SPIN1: variants seen among roughly 807,000 people sequenced by gnomAD.
SPIN1 encodes the protein spindlin 1, also known as spindlin-1.
A neutral mutation model predicts 26.0 loss-of-function variants in SPIN1; 3 were observed. That is an observed-to-expected ratio of 0.12 (90% CI 0.05 to 0.30). The LOEUF is 0.30. Among genes scored for constraint, SPIN1 ranks in the 10% least tolerant of loss-of-function variants. The pLI is 1.00. For synonymous variants in SPIN1, 101 were observed against 116.5 expected, an observed-to-expected ratio of 0.87 and a Z score of 0.86; for missense variants, 126 against 333.4, an observed-to-expected ratio of 0.38 and a Z score of 4.84.
chr9:88,468,671 T>C (rs750712240), intron 5 of SPIN1, 66 bp downstream of exon 5: 8 of 993,800 alleles, frequency 8.0e-6, no homozygotes, highest in Non-Finnish European at 1.1e-5. Flanking sequence ...GTACAAGATA[T>C]TTGATTGGCT....
At chr9:88,458,156 G>A (rs950489901) in intron 3 of SPIN1, among the ~76,000 whole-genome samples, 1 of 152,188 alleles carries the variant, frequency 6.6e-6, no homozygotes, top group Admixed American at 6.5e-5. Context: ...ATTTGCGTTA[G>A]AAGCTTTATT....
chr9:88,415,711 A>C (rs1827546286), intron 1 of SPIN1: 2 of 151,978 alleles, frequency 1.3e-5, no homozygotes, highest in Non-Finnish European at 2.9e-5. Context: ...TTTGAGCCCC[A>C]CCCTGCCCAT....
At chr9:88,417,848 G>A (rs976695986) in intron 1 of SPIN1, among the ~76,000 whole-genome samples, 16 of 152,178 alleles carry the variant, frequency 1.1e-4, no homozygotes, top group Non-Finnish European at 7.3e-5. Flanking sequence ...TTTCAAAGAG[G>A]TTTTGTAATT....
At chr9:88,414,788 A>G (rs981328861) in intron 1 of SPIN1, among the ~76,000 whole-genome samples, 7 of 152,248 alleles carry the variant, frequency 4.6e-5, no homozygotes, top group Non-Finnish European at 1.5e-5. Flanking sequence ...AGGTTAGGAA[A>G]GATGAAGATA....
At chr9:88,388,782 C>A (rs1382193819) in intron 1 of SPIN1, among the ~76,000 whole-genome samples, 3 of 150,104 alleles carry the variant, frequency 2.0e-5, no homozygotes, top group East Asian at 3.9e-4. Context: ...CCTACTCCTC[C>A]GTGCCCCCAT....
intron 2 of SPIN1, 146 bp from the exon 3 acceptor site, chr9:88,448,795 C>G: frequency 1.6e-6 from 1 of 620,412 alleles, no homozygotes; most frequent in Non-Finnish European, 2.7e-6. Context: ...GTTCAGTAAA[C>G]AAATGGCTTT....
At chr9:88,455,101 T>C (rs905829745) in intron 3 of SPIN1, among the ~76,000 whole-genome samples, 2 of 152,232 alleles carry the variant, frequency 1.3e-5, no homozygotes, top group African/African-American at 4.8e-5. Context: ...CCTTAAAATA[T>C]GCAAATCTAT....
At chr9:88,394,926 C>T (rs1279306407) in intron 1 of SPIN1, among the ~76,000 whole-genome samples, 1 of 151,326 alleles carries the variant, frequency 6.6e-6, no homozygotes, top group African/African-American at 2.4e-5. Flanking sequence ...TCTCCTGCCT[C>T]AGCCTCCTGA....
At chr9:88,393,148 T>TC (rs1358643094) in intron 1 of SPIN1, among the ~76,000 whole-genome samples, 1 of 149,326 alleles carries the variant, frequency 6.7e-6, no homozygotes, top group African/African-American at 2.5e-5. Context: ...TTTTTTTTTT[T>TC]CCTGAAGGGA....
chr9:88,474,257 G>A (rs146877990), intron 5 of SPIN1, among the ~76,000 whole-genome samples: 2 of 152,274 alleles, frequency 1.3e-5, no homozygotes, highest in Non-Finnish European at 2.9e-5. Context: ...TCTTAAAATA[G>A]AATTATAATT....
intron 1 of SPIN1, among the ~76,000 whole-genome samples, chr9:88,406,949 T>A (rs1554692036): frequency 6.6e-6 from 1 of 152,098 alleles, no homozygotes; most frequent in Non-Finnish European, 1.5e-5. Context: ...ACAGGTTTAA[T>A]TTGTATTTTC....
intron 2 of SPIN1, among the ~76,000 whole-genome samples, chr9:88,438,930 A>C (rs73652561): frequency 0.053 from 8,050 of 152,186 alleles, 652 homozygotes; most frequent in African/African-American, 0.18. Context: ...GATCGAAGAG[A>C]GACTTTTAAG....
intron 2 of SPIN1, among the ~76,000 whole-genome samples, chr9:88,435,414 C>T (rs1246381789): frequency 6.6e-6 from 1 of 151,950 alleles, no homozygotes; most frequent in Non-Finnish European, 1.5e-5. Context: ...ACCATGTTGA[C>T]CAGGCTGTTC....
At chr9:88,462,444 G>A (rs1828593085) in intron 3 of SPIN1, 52 bp from the exon 4 acceptor site, 2 of 1,584,984 alleles carry the variant, frequency 1.3e-6, no homozygotes, top group Non-Finnish European at 1.7e-6. Flanking sequence ...GTTAGATCTA[G>A]GCATGCATAC....
intron 2 of SPIN1, among the ~76,000 whole-genome samples, chr9:88,437,128 G>A (rs1828018809): frequency 6.6e-6 from 1 of 151,790 alleles, no homozygotes; most frequent in Non-Finnish European, 1.5e-5. Flanking sequence ...TCTACTGTTT[G>A]GATGCACAAG....
rs574294307 is a variant in SPIN1, at chr9:88,412,969, A to T, written c.-158-13413A>T. 1.7e-4 allele frequency among the ~76,000 whole-genome samples: 26 copies of T among 151,812 alleles called. 1 individual carries two copies. In the South Asian group the frequency reaches 2.3e-3, roughly 13 times the overall value. On this transcript the variant is annotated intron_variant, in intron 1 of 5. Coordinates refer to ENST00000375859, the MANE Select transcript of SPIN1 (RefSeq NM_006717.3). Reference sequence around the variant, plus strand: ...AGTGCTGGGATTACAGGCGTGAGCCACCGCGCCTGGCCTCTTTGTCAGTAA... The same window carrying T: ...AGTGCTGGGATTACAGGCGTGAGCCTCCGCGCCTGGCCTCTTTGTCAGTAA...
rs1828912132 is a variant in SPIN1, at chr9:88,477,662, T to C, written c.*2385T>C. 1 of 152,654 alleles carries C rather than the reference T, an allele frequency of 6.6e-6. No individual in the cohort carries two copies. Among genetic ancestry groups the C allele is most frequent in the Non-Finnish European group, 1.5e-5 (1 of 68,042 alleles). The allele number at this position is 152,654 out of a possible 1,614,324, so 9.5% of individuals were successfully genotyped here. A position where few individuals can be genotyped will look rare whatever the true frequency, so the allele number is the denominator to read the frequency against. ...TATCTTGGGCTTCATTTTAGGCTCA[T>C]GTGTCAGATCTGCATGCATTGCTTG... On this transcript the variant is annotated 3_prime_UTR_variant, in exon 6 of 6. Coordinates refer to ENST00000375859, the MANE Select transcript of SPIN1 (RefSeq NM_006717.3).
At chr9:88,413,991 C>A (rs1222876635) in intron 1 of SPIN1, among the ~76,000 whole-genome samples, 4 of 145,844 alleles carry the variant, frequency 2.7e-5, no homozygotes, top group Admixed American at 2.0e-4. Flanking sequence ...GGATGACTCA[C>A]AAAACTCAAG....
chr9:88,393,525 G>A (rs1477526658), intron 1 of SPIN1, among the ~76,000 whole-genome samples: 1 of 129,482 alleles, frequency 7.7e-6, no homozygotes, highest in East Asian at 2.4e-4. Flanking sequence ...CGCAGTCTCA[G>A]CTGACTGCAC....
Sources: allele counts gnomAD v4.1 joint callset (sites outside exome capture counted in the v4.1 genomes callset), GRCh38; gene constraint gnomAD v4.1.1; transcripts MANE v1.5; gene names NCBI Gene and HGNC (gene_info 2026-07-23, HGNC 2026-07-21).